The following ACTR3C variants were observed in gnomAD, a reference collection of about 807,000 sequenced individuals.
ACTR3C encodes actin related protein 3C, also known as actin-related protein 3C.
A neutral mutation model predicts 26.3 loss-of-function variants in ACTR3C; 18 were observed. The observed-to-expected ratio is 0.68, with a 90% confidence interval of 0.47 to 1.01. ACTR3C has a LOEUF of 1.01. Ranked by LOEUF, ACTR3C falls within the 50% of genes least tolerant of loss-of-function variation. ACTR3C has a pLI of 0.00. For synonymous variants in ACTR3C, 55 were observed against 94.5 expected, an observed-to-expected ratio of 0.58 and a Z score of 2.42; for missense variants, 184 against 250.7, an observed-to-expected ratio of 0.73 and a Z score of 1.80.
chr7:150,085,211 A>G, the ACTR3C span, among the ~76,000 whole-genome samples: 1 of 152,196 alleles, frequency 6.6e-6, no homozygotes. Context: ...TTTGCAGTTC[A>G]CTTACGAAGA....
At chr7:150,088,216 G>C in the ACTR3C span, among the ~76,000 whole-genome samples, 3 of 151,878 alleles carry the variant, frequency 2.0e-5, no homozygotes, top group Admixed American at 2.0e-4. Context: ...TCCCTTTGTT[G>C]TTTGTGCATT....
At chr7:149,946,157 C>T in the ACTR3C span, among the ~76,000 whole-genome samples, 1 of 152,228 alleles carries the variant, frequency 6.6e-6, no homozygotes, top group Non-Finnish European at 1.5e-5. Context: ...ACATGGAGGA[C>T]CTGGCCTGGG....
At chr7:149,995,616 A>G in the ACTR3C span, among the ~76,000 whole-genome samples, 1 of 152,282 alleles carries the variant, frequency 6.6e-6, no homozygotes, top group African/African-American at 2.4e-5. Flanking sequence ...TGGAGTGCAC[A>G]GGATGAACAA....
At chr7:149,963,731 C>T in the ACTR3C span, among the ~76,000 whole-genome samples, 2 of 152,184 alleles carry the variant, frequency 1.3e-5, no homozygotes, top group Non-Finnish European at 2.9e-5. Context: ...TGAATCCCAG[C>T]TCTGCTGACC....
the ACTR3C span, among the ~76,000 whole-genome samples, chr7:150,016,003 G>C: frequency 6.6e-6 from 1 of 151,410 alleles, no homozygotes; most frequent in South Asian, 2.1e-4. Context: ...GTGTTGCAAA[G>C]GCTTGGCCCT....
the ACTR3C span, among the ~76,000 whole-genome samples, chr7:150,051,447 C>A: frequency 2.7e-5 from 4 of 149,916 alleles, no homozygotes; most frequent in Non-Finnish European, 5.9e-5. Context: ...ACCCAATGGG[C>A]ATTTCAAAAT....
the ACTR3C span, among the ~76,000 whole-genome samples, chr7:150,070,040 G>C: frequency 6.6e-6 from 1 of 152,186 alleles, no homozygotes; most frequent in Admixed American, 6.5e-5. Context: ...CTGAGGTCCA[G>C]GTCTGTCACG....
chr7:150,206,275 G>C, the ACTR3C span, among the ~76,000 whole-genome samples: 4 of 152,180 alleles, frequency 2.6e-5, no homozygotes, highest in African/African-American at 9.7e-5. Context: ...TTCCAAAAGA[G>C]AGGATTTGAT....
the ACTR3C span, among the ~76,000 whole-genome samples, chr7:150,164,550 T>G: frequency 6.6e-6 from 1 of 151,922 alleles, no homozygotes; most frequent in African/African-American, 2.4e-5. Flanking sequence ...TTTATTTCCT[T>G]ATGCATTTCC....
chr7:150,278,621 C>A (rs1835076265), intron 6 of ACTR3C, among the ~76,000 whole-genome samples: 1 of 152,262 alleles, frequency 6.6e-6, no homozygotes, highest in African/African-American at 2.4e-5. Context: ...CACATCTCCA[C>A]CGGCCTCCCA....
At chr7:150,041,561 C>G in the ACTR3C span, 49 of 182,714 alleles carry the variant, frequency 2.7e-4, 2 homozygotes, top group African/African-American at 1.1e-3. Context: ...GTGCCTCCCC[C>G]CTCTGCGATG....
the ACTR3C span, among the ~76,000 whole-genome samples, chr7:150,134,937 C>T: frequency 2.4e-4 from 37 of 152,286 alleles, no homozygotes; most frequent in African/African-American, 3.9e-4. Flanking sequence ...AAAACAAGCC[C>T]GTTTCCAGGT....
At chr7:150,224,109 C>A in the ACTR3C span, among the ~76,000 whole-genome samples, 2 of 152,206 alleles carry the variant, frequency 1.3e-5, no homozygotes, top group African/African-American at 2.4e-5. Flanking sequence ...CATGTATAAC[C>A]TGATCTTGGA....
At chr7:150,078,197 T>G in the ACTR3C span, among the ~76,000 whole-genome samples, 203 of 152,056 alleles carry the variant, frequency 1.3e-3, no homozygotes, top group African/African-American at 4.8e-3. Context: ...TCTTTCGCAT[T>G]CTCCAGTTTC....
At chr7:149,972,417 CCACGT>C in the ACTR3C span, among the ~76,000 whole-genome samples, 1 of 152,346 alleles carries the variant, frequency 6.6e-6, no homozygotes, top group Middle Eastern at 3.4e-3. Context: ...AACTCCCTGT[CCACGT>C]TCCCATCTGC....
the ACTR3C span, among the ~76,000 whole-genome samples, chr7:150,089,960 CTTCA>C: frequency 6.6e-6 from 1 of 152,186 alleles, no homozygotes; most frequent in Non-Finnish European, 1.5e-5. Flanking sequence ...GTCAAGCTCT[CTTCA>C]TTCATCACTA....
the ACTR3C span, among the ~76,000 whole-genome samples, chr7:150,124,147 T>G: frequency 2.0e-5 from 3 of 152,210 alleles, no homozygotes; most frequent in African/African-American, 7.2e-5. Context: ...ATATTCATTT[T>G]CTTCCTTCTT....
chr7:150,096,783 G>C, the ACTR3C span, among the ~76,000 whole-genome samples: 16 of 151,650 alleles, frequency 1.1e-4, no homozygotes, highest in African/African-American at 3.2e-4. Context: ...CATGGGGCTT[G>C]CTTGGAGCCA....
At chr7:150,290,367 C>A (rs552108264) in intron 3 of ACTR3C, among the ~76,000 whole-genome samples, 105 of 152,352 alleles carry the variant, frequency 6.9e-4, no homozygotes, top group Middle Eastern at 3.4e-3. Flanking sequence ...ATCAGCCTTC[C>A]TGTGGGCACA....
Sources: allele counts gnomAD v4.1 joint callset (sites outside exome capture counted in the v4.1 genomes callset), GRCh38; gene constraint gnomAD v4.1.1; transcripts MANE v1.5; gene names NCBI Gene and HGNC (gene_info 2026-07-23, HGNC 2026-07-21).